Variants in RGS16 observed in about 807,000 individuals in gnomAD.
The protein encoded by RGS16 is regulator of G protein signaling 16.
RGS16 carries 12 observed loss-of-function variants against 18.1 expected under a neutral mutation model. That is an observed-to-expected ratio of 0.66 (90% CI 0.42 to 1.07). RGS16 has a LOEUF of 1.07. Among genes scored for constraint, RGS16 ranks in the 50% least tolerant of loss-of-function variants. The pLI is 0.00. For synonymous variants in RGS16, 88 were observed against 102.0 expected, an observed-to-expected ratio of 0.86 and a Z score of 0.83; for missense variants, 238 against 249.2, an observed-to-expected ratio of 0.95 and a Z score of 0.30.
intron 4 of RGS16, among the ~76,000 whole-genome samples, chr1:182,601,159 C>G (rs1661857437): frequency 1.3e-5 from 2 of 152,220 alleles, no homozygotes; most frequent in Non-Finnish European, 2.9e-5. Context: ...TCTTTCTTAT[C>G]TCTGTTCATA....
At position 182,601,854 on chromosome 1, in the gene RGS16, G is replaced by A. The variant is rs76829811; in HGVS notation, c.387+112C>T. 1.9e-3 allele frequency: 2,621 copies of A among 1,348,452 alleles called. 41 individuals carry two copies. The African/African-American group carries it at 0.034, about 17-fold the overall frequency. The allele number at this position is 1,348,452 out of a possible 1,614,324, so 83.5% of individuals were successfully genotyped here. ...AGAAGCCCAGTCACCCCTGTGCCAA[G>A]TAAGGCCCTTCTACCTCTACACCTA... On this transcript the variant is annotated intron_variant, in intron 4 of 4. Transcript: ENST00000367558.
chr1:182,601,635 G>C (rs758482166), intron 4 of RGS16, among the ~76,000 whole-genome samples: 1 of 152,222 alleles, frequency 6.6e-6, no homozygotes, highest in Non-Finnish European at 1.5e-5. Context: ...GACTGAGCCA[G>C]GTTACATAAG....
rs1255623616 is a variant in RGS16, at chr1:182,602,416, T to C, written c.220+4A>G. 6.2e-7 allele frequency: 1 copy of C among 1,612,986 alleles called. No homozygotes were observed. Among genetic ancestry groups the C allele is most frequent in the African/African-American group, 1.3e-5 (1 of 74,680 alleles). ...AGAGACAGACACAAAAGGCTCCTACTCACTTTTACTGCTCAGCAGCAGGTC... is the reference window on the plus strand; with the variant it reads ...AGAGACAGACACAAAAGGCTCCTACCCACTTTTACTGCTCAGCAGCAGGTC... On this transcript the variant is annotated splice_donor_region_variant and intron_variant, in intron 3 of 4. Coordinates refer to ENST00000367558, the MANE Select transcript of RGS16 (RefSeq NM_002928.4).
At position 182,602,170 on chromosome 1, in the gene RGS16, G is replaced by A. The variant is rs753525057; in HGVS notation, c.221-38C>T. On this transcript the variant is annotated intron_variant, in intron 3 of 4. Transcript: ENST00000367558. ...GAAAGAAGAGGAAATAGGTCAGCTGGAGGGACAGCAGGGAATACAAGAAGA... is the reference window on the plus strand; with the variant it reads ...GAAAGAAGAGGAAATAGGTCAGCTGAAGGGACAGCAGGGAATACAAGAAGA... The A allele has an allele frequency of 6.2e-6, 10 of 1,605,532 alleles. No individual in the cohort carries two copies. In the Middle Eastern group the frequency reaches 1.5e-3, roughly 239 times the overall value.
Position 182,604,379 on chromosome 1 carries a change from A to G in RGS16, c.-120T>C. 2 of 946,366 alleles carry G rather than the reference A, an allele frequency of 2.1e-6. No homozygotes were observed. Among genetic ancestry groups the G allele is most frequent in the Non-Finnish European group, 1.5e-6 (1 of 650,522 alleles). 58.6% of individuals were successfully genotyped at this position (946,366 alleles called of 1,614,324 possible). A position where few individuals can be genotyped will look rare whatever the true frequency, so the allele number is the denominator to read the frequency against. ...CTAGTCAACTGCGGTTGGGTTTAGC[A>G]GCCTGCAAGCGCCCAGACTGAGCGG... On this transcript the variant is annotated 5_prime_UTR_variant, in exon 1 of 5. Coordinates refer to ENST00000367558, the MANE Select transcript of RGS16 (RefSeq NM_002928.4).
rs554104065 is a variant in RGS16, at chr1:182,604,153, T to G, written c.44+63A>C. 212 of 1,536,418 alleles carry G rather than the reference T, an allele frequency of 1.4e-4. 3 individuals are homozygous for G. In the South Asian group the frequency reaches 2.4e-3, roughly 17 times the overall value. On this transcript the variant is annotated intron_variant, in intron 1 of 4. Transcript: ENST00000367558. Reference sequence around the variant, plus strand: ...CCGCGCCCACCCAGGTCCCCAGGCCTGCCGCTCCACTCCCTAAGAGTTGGT... The same window carrying G: ...CCGCGCCCACCCAGGTCCCCAGGCCGGCCGCTCCACTCCCTAAGAGTTGGT...
In RGS16 at chr1:182,600,156, A is replaced by AT. The variant is rs970909010; in HGVS notation, c.*135dup. The AT allele has an allele frequency of 0.013, 4,241 of 329,994 alleles. 605 individuals carry two copies. The highest frequency in any genetic ancestry group is 0.07 in the African/African-American group (1,714 of 24,398). 20.4% of individuals were successfully genotyped at this position (329,994 alleles called of 1,614,324 possible). ...CTTCCCAAACAGGCTGCTGGAGCGC[A>AT]TTTTTTTTTTTTTTTTTTTTTTTTT... is the stretch of plus-strand genomic sequence containing the variant. On this transcript the variant is annotated 3_prime_UTR_variant, in exon 5 of 5. Coordinates refer to ENST00000367558, the MANE Select transcript of RGS16 (RefSeq NM_002928.4).
Position 182,604,285 on chromosome 1 carries a change from G to C in RGS16, c.-26C>G. On this transcript the variant is annotated 5_prime_UTR_variant, in exon 1 of 5. Coordinates refer to ENST00000367558, the MANE Select transcript of RGS16 (RefSeq NM_002928.4). ...GGCTGCGGGCGCAGGGCAGCACGTAGTAGGCAGGATGGTGGCAGGCTCCAG... is the reference window on the plus strand; with the variant it reads ...GGCTGCGGGCGCAGGGCAGCACGTACTAGGCAGGATGGTGGCAGGCTCCAG... 2 of 1,546,392 alleles carry C rather than the reference G, an allele frequency of 1.3e-6. No individual in the cohort carries two copies. Among genetic ancestry groups the C allele is most frequent in the Non-Finnish European group, 1.7e-6 (2 of 1,144,994 alleles).
chr1:182,601,659 C>T lies in RGS16; in HGVS notation c.387+307G>A, dbSNP rs183633086. Reference sequence around the variant, plus strand: ...AGGTTACATAAGGTCCCTGTGCTGACCTTGTCTCCCCAGTTGCTAAGTGTT... The same window carrying T: ...AGGTTACATAAGGTCCCTGTGCTGATCTTGTCTCCCCAGTTGCTAAGTGTT... On this transcript the variant is annotated intron_variant, in intron 4 of 4. Transcript: ENST00000367558. 2.7e-3 allele frequency among the ~76,000 whole-genome samples: 407 copies of T among 152,318 alleles called. 3 individuals are homozygous for T. The highest frequency in any genetic ancestry group is 9.6e-3 in the African/African-American group (400 of 41,566).
chr1:182,600,182 TGTCCTCTTGCACTTGC>T lies in RGS16; in HGVS notation c.*94_*109del. On this transcript the variant is annotated 3_prime_UTR_variant, in exon 5 of 5. Coordinates refer to ENST00000367558, the MANE Select transcript of RGS16 (RefSeq NM_002928.4). The stretch of plus-strand genomic sequence containing the variant: ...TTTTTTTTTTTTTTTTTTTTTTTTT[TGTCCTCTTGCACTTGC>T]TTTGCAGAACCTGCCTCCCACACAG... 2 of 328,190 alleles carry T rather than the reference TGTCCTCTTGCACTTGC, an allele frequency of 6.1e-6. No individual in the cohort carries two copies. The highest frequency in any genetic ancestry group is 1.1e-5 in the Non-Finnish European group (2 of 183,726). The allele number at this position is 328,190 out of a possible 1,614,324, so 20.3% of individuals were successfully genotyped here.
rs372307674 is a variant in RGS16 at position 182,600,265 on chromosome 1, G to A, written c.*27C>T. On this transcript the variant is annotated 3_prime_UTR_variant, in exon 5 of 5. Transcript: ENST00000367558. ...GATGGGTGACTCAACCTCTCTTCCCGGCTGGCTTCCTCACTGCCGTGGAGA... is the reference window on the plus strand; with the variant it reads ...GATGGGTGACTCAACCTCTCTTCCCAGCTGGCTTCCTCACTGCCGTGGAGA... The A allele has an allele frequency of 1.2e-4, 185 of 1,588,046 alleles. 1 individual carries two copies. Among genetic ancestry groups the A allele is most frequent in the South Asian group, 1.0e-3 (95 of 90,564 alleles).
In RGS16 at chr1:182,600,295, G is replaced by C; in HGVS notation, c.606C>G (p.Thr202=). The change falls in exon 5 of 5, where the codon ACC becomes ACG. Residue 202 remains threonine, a synonymous_variant. Coordinates refer to ENST00000367558, the MANE Select transcript of RGS16 (RefSeq NM_002928.4). ...SSCSLDEPSH[T] is the part of the protein sequence containing the mutation. Reference sequence around the variant, plus strand: ...GCTTCCTCACTGCCGTGGAGACTCAGGTGTGTGAGGGCTCGTCCAGGCTGC... The same window carrying C: ...GCTTCCTCACTGCCGTGGAGACTCACGTGTGTGAGGGCTCGTCCAGGCTGC... The C allele has an allele frequency of 6.2e-7, 1 of 1,613,158 alleles. No individual in the cohort carries two copies. Among genetic ancestry groups the C allele is most frequent in the Non-Finnish European group, 8.5e-7 (1 of 1,179,874 alleles).
intron 3 of RGS16, 58 bp from the exon 4 acceptor site, chr1:182,602,190 A>T: frequency 1.3e-6 from 2 of 1,571,062 alleles, no homozygotes; most frequent in Non-Finnish European, 1.7e-6. Flanking sequence ...AGGGAATACA[A>T]GAAGAAAGGA....
rs1460681928 is a variant in RGS16 at position 182,599,165 on chromosome 1, T to G, written c.*1127A>C. Reference sequence around the variant, plus strand: ...TTCGAAGCAGCCTCTCCCCCCAGCTTCTGCACTCTAAGGGTGCCATGGTCC... The same window carrying G: ...TTCGAAGCAGCCTCTCCCCCCAGCTGCTGCACTCTAAGGGTGCCATGGTCC... On this transcript the variant is annotated 3_prime_UTR_variant, in exon 5 of 5. Transcript: ENST00000367558. The G allele has an allele frequency of 8.5e-5, 13 of 152,408 alleles. No homozygotes were observed. Among genetic ancestry groups the G allele is most frequent in the Admixed American group, 8.5e-4 (13 of 15,274 alleles). The allele number at this position is 152,408 out of a possible 1,614,324, so 9.4% of individuals were successfully genotyped here. A position where few individuals can be genotyped will look rare whatever the true frequency, so the allele number is the denominator to read the frequency against.
chr1:182,600,180 TTTG>T lies in RGS16; in HGVS notation c.*109_*111del. ...CATTTTTTTTTTTTTTTTTTTTTTTTTTGTCCTCTTGCACTTGCTTTGCAGAAC... is the reference window on the plus strand; with the variant it reads ...CATTTTTTTTTTTTTTTTTTTTTTTTTCCTCTTGCACTTGCTTTGCAGAAC... On this transcript the variant is annotated 3_prime_UTR_variant, in exon 5 of 5. Coordinates refer to ENST00000367558, the MANE Select transcript of RGS16 (RefSeq NM_002928.4). The T allele has an allele frequency of 2.7e-3, 1,358 of 505,558 alleles. No homozygotes were observed. The highest frequency in any genetic ancestry group is 6.0e-3 in the South Asian group (202 of 33,938). The allele number at this position is 505,558 out of a possible 1,614,324, so 31.3% of individuals were successfully genotyped here.
rs1174149784 is a variant in RGS16, at chr1:182,604,198, T to G, written c.44+18A>C. 1.9e-6 allele frequency: 3 copies of G among 1,551,600 alleles called. No homozygotes were observed. The South Asian group carries it at 3.6e-5, about 18-fold the overall frequency. On this transcript the variant is annotated intron_variant, in intron 1 of 4. Transcript: ENST00000367558. ...GTTGGTGGGACTTCCCCCAAGCAGTTGGACAACCTCCCCTTACCTCTCCAG... is the reference window on the plus strand; with the variant it reads ...GTTGGTGGGACTTCCCCCAAGCAGTGGGACAACCTCCCCTTACCTCTCCAG...
intron 2 of RGS16, among the ~76,000 whole-genome samples, chr1:182,602,755 A>G (rs184894922): frequency 6.6e-6 from 1 of 152,334 alleles, no homozygotes; most frequent in East Asian, 1.9e-4. Flanking sequence ...CTGTCCAAAA[A>G]TTATTTCAAT....
rs781172767 is a variant in RGS16 at position 182,602,390 on chromosome 1, C to A, written c.220+30G>T. On this transcript the variant is annotated intron_variant, in intron 3 of 4. Coordinates refer to ENST00000367558, the MANE Select transcript of RGS16 (RefSeq NM_002928.4). ...AGCACATGAGTACACATGTGCCACC[C>A]AGAGACAGACACAAAAGGCTCCTAC... is the stretch of plus-strand genomic sequence containing the variant. The A allele has an allele frequency of 3.7e-6, 6 of 1,605,360 alleles. No individual in the cohort carries two copies. In the South Asian group the frequency reaches 6.6e-5, roughly 18 times the overall value.
chr1:182,600,445 A>C lies in RGS16; in HGVS notation c.456T>G (p.Phe152Leu), dbSNP rs1284429064. ...TACGTGTCTTCCCCTGAGCCGCATC[A>C]AAGCATGTGGCTGTGGCAGTCTGCA... ...MNLQTATATC[F>L]DAAQGKTRTL... The change falls in exon 5 of 5, where the codon TTT becomes TTG. Residue 152 changes from phenylalanine (F) to leucine (L), a missense_variant. Transcript: ENST00000367558. The C allele has an allele frequency of 6.2e-7, 1 of 1,614,072 alleles. No homozygotes were observed. The highest frequency in any genetic ancestry group is 1.7e-5 in the Admixed American group (1 of 60,028).
Sources: allele counts gnomAD v4.1 joint callset (sites outside exome capture counted in the v4.1 genomes callset), GRCh38; gene constraint gnomAD v4.1.1; transcripts MANE v1.5; gene names NCBI Gene and HGNC (gene_info 2026-07-23, HGNC 2026-07-21).